MAML1: variants seen among roughly 807,000 people sequenced by gnomAD.
MAML1 encodes mastermind-like protein 1.
MAML1 carries 14 observed loss-of-function variants against 77.1 expected under a neutral mutation model. The ratio of observed to expected loss-of-function variants is 0.18; its 90% CI spans 0.12 to 0.28. MAML1 has a LOEUF of 0.28. Among genes scored for constraint, MAML1 ranks in the 10% least tolerant of loss-of-function variants. The probability of loss-of-function intolerance (pLI) is 1.00; values close to 1 mark genes in which losing one functional copy is unlikely to be tolerated. For missense variants in MAML1, 1,217 were observed against 1,327.8 expected, an observed-to-expected ratio of 0.92 and a Z score of 1.30; for synonymous variants, 516 against 551.9, an observed-to-expected ratio of 0.93 and a Z score of 0.91.
chr5:179,742,012 C>T (rs1276506960), intron 1 of MAML1, among the ~76,000 whole-genome samples: 1 of 151,814 alleles, frequency 6.6e-6, no homozygotes, highest in Non-Finnish European at 1.5e-5. Context: ...ATTTTCCCAC[C>T]TCAGCCTCCC....
At chr5:179,751,366 T>G (rs1166198039) in intron 1 of MAML1, among the ~76,000 whole-genome samples, 2 of 152,208 alleles carry the variant, frequency 1.3e-5, no homozygotes, top group African/African-American at 2.4e-5. Flanking sequence ...ACTTGACTTG[T>G]GCTAAAAGTG....
intron 1 of MAML1, among the ~76,000 whole-genome samples, chr5:179,751,415 A>AT (rs1324000119): frequency 6.6e-6 from 1 of 152,118 alleles, no homozygotes; most frequent in Non-Finnish European, 1.5e-5. Context: ...AGTACCACAG[A>AT]TTTTTTTGGT....
At chr5:179,744,949 T>C (rs1779351325) in intron 1 of MAML1, among the ~76,000 whole-genome samples, 1 of 151,924 alleles carries the variant, frequency 6.6e-6, no homozygotes, top group African/African-American at 2.4e-5. Context: ...TTGCCCAGGC[T>C]GGAGTGCAGT....
At chr5:179,753,543 C>A (rs968701618) in intron 1 of MAML1, among the ~76,000 whole-genome samples, 1 of 151,726 alleles carries the variant, frequency 6.6e-6, no homozygotes, top group Admixed American at 6.6e-5. Context: ...ACTTACACAC[C>A]GAGTGATTGA....
chr5:179,752,598 C>CTTTTTTTTTTTTT (rs1172970221), intron 1 of MAML1, among the ~76,000 whole-genome samples: 3 of 71,836 alleles, frequency 4.2e-5, no homozygotes, highest in African/African-American at 1.5e-4. Flanking sequence ...ATTAGATACT[C>CTTTTTTTTTTTTT]TTTTTTTTTT....
chr5:179,761,448 G>A (rs1779724672), intron 1 of MAML1, among the ~76,000 whole-genome samples: 1 of 152,178 alleles, frequency 6.6e-6, no homozygotes, highest in Admixed American at 6.5e-5. Flanking sequence ...TGTAATCCCA[G>A]CACTTTGGGA....
chr5:179,766,619 C>A lies in MAML1; in HGVS notation c.1609C>A (p.Pro537Thr), dbSNP rs1332565055. ...CAGCCCGGGGTCTGGCCAGAGCAAG[C>A]CAGCCCTGATGGCTTATCTTCCCCA... ...QGSPGSGQSK[P>T]ALMAYLPQQL... Residue 537 changes from proline (P) to threonine (T), a missense_variant, in exon 2 of 5, where the codon CCA becomes ACA. This residue lies in a region of MAML1 where 884 missense variants were observed against 949.3 expected (regional missense o/e 0.93). Coordinates refer to ENST00000292599, the MANE Select transcript of MAML1 (RefSeq NM_014757.5). The surrounding 1 kb of genome is among the most constrained non-coding windows in gnomAD (Gnocchi z 4.0). 1 of 1,613,286 alleles carries A rather than the reference C, an allele frequency of 6.2e-7. No homozygotes were observed.
chr5:179,750,463 A>AT (rs11419551), intron 1 of MAML1, among the ~76,000 whole-genome samples: 145,644 of 151,870 alleles, frequency 0.96, 70,125 homozygotes, highest in East Asian at 1. Context: ...CTCTCAATAG[A>AT]TTTTTTTGTT....
At position 179,771,030 on chromosome 5, in the gene MAML1, G is replaced by T; in HGVS notation, c.1972-117G>T. ...AATGAAATCAGCACTATTTCCACAG[G>T]AGCCCATTTGTGAGTAACAAACTTG... On this transcript the variant is annotated intron_variant, in intron 3 of 4. Transcript: ENST00000292599. This position sits in a 1 kb window ranked among gnomAD's most constrained non-coding sequence, Gnocchi z 4.7. The T allele has an allele frequency of 1.4e-6, 1 of 712,632 alleles. No individual in the cohort carries two copies. The allele number at this position is 712,632 out of a possible 1,614,324, so 44.1% of individuals were successfully genotyped here.
At chr5:179,734,999 AAAAAG>A (rs1779138295) in intron 1 of MAML1, among the ~76,000 whole-genome samples, 1 of 152,166 alleles carries the variant, frequency 6.6e-6, no homozygotes, top group South Asian at 2.1e-4. Context: ...TTTTAAGAAT[AAAAAG>A]AAATGAGTGT....
Position 179,733,271 on chromosome 5 carries a change from C to T in MAML1, c.159C>T (p.Arg53=). The change falls in exon 1 of 5, where the codon CGC becomes CGT. Residue 53 remains arginine (R), a synonymous_variant. Coordinates refer to ENST00000292599, the MANE Select transcript of MAML1 (RefSeq NM_014757.5). ...CGCCCGAGCGCCTGGAGCTGGAGCG[C>T]CAACACACCTTCGCCCTGCACCAGC... ...AVSPERLELE[R]QHTFALHQRC... 2 of 1,462,632 alleles carry T rather than the reference C, an allele frequency of 1.4e-6. No homozygotes were observed. Among genetic ancestry groups the T allele is most frequent in the African/African-American group, 1.5e-5 (1 of 67,762 alleles). The allele number at this position is 1,462,632 out of a possible 1,614,324, so 90.6% of individuals were successfully genotyped here. A position where few individuals can be genotyped will look rare whatever the true frequency, so the allele number is the denominator to read the frequency against.
chr5:179,763,644 G>T (rs1454185862), intron 1 of MAML1, among the ~76,000 whole-genome samples: 2 of 152,166 alleles, frequency 1.3e-5, no homozygotes, highest in Non-Finnish European at 2.9e-5. Flanking sequence ...GGTCCTCCCT[G>T]GTGTCCAGTG....
rs750380237 is a variant in MAML1, at chr5:179,765,490, C to G, written c.480C>G (p.Pro160=). 1.2e-6 allele frequency: 2 copies of G among 1,614,158 alleles called. No individual in the cohort carries two copies. Among genetic ancestry groups the G allele is most frequent in the Non-Finnish European group, 8.5e-7 (1 of 1,180,026 alleles). The change falls in exon 2 of 5, where the codon CCC becomes CCG. Residue 160 remains proline (P), a synonymous_variant. Coordinates refer to ENST00000292599, the MANE Select transcript of MAML1 (RefSeq NM_014757.5). ...ISSNGLPPAS[P]LGQSDKPSGA... is the part of the protein sequence containing the mutation. ...CCAATGGACTGCCTCCAGCCTCCCC[C>G]CTCGGTCAGTCTGACAAGCCTTCTG...
chr5:179,774,753 G>A lies in MAML1; in HGVS notation c.2927G>A (p.Gly976Glu). 1 of 1,613,118 alleles carries A rather than the reference G, an allele frequency of 6.2e-7. No individual in the cohort carries two copies. Among genetic ancestry groups the A allele is most frequent in the Non-Finnish European group, 8.5e-7 (1 of 1,180,032 alleles). ...AGQELPFAYS[G>E]QPGGSGLSSV... The stretch of plus-strand genomic sequence containing the variant: ...CAGGAGCTGCCTTTTGCCTATAGCG[G>A]GCAGCCAGGTGGCAGTGGGCTCTCT... The change falls in exon 5 of 5, where the codon GGG (glycine) becomes GAG (glutamate). Residue 976 changes from glycine (G) to glutamate (E), a missense_variant. By Grantham distance (98) the Gly-to-Glu change is moderately conservative (BLOSUM62 -2). Around this residue, in one of 3 missense-constraint regions of MAML1, gnomAD observed 884 missense variants for 949.3 expected, o/e 0.93. Coordinates refer to ENST00000292599, the MANE Select transcript of MAML1 (RefSeq NM_014757.5).
At chr5:179,763,383 G>A (rs1779756403) in intron 1 of MAML1, among the ~76,000 whole-genome samples, 1 of 152,028 alleles carries the variant, frequency 6.6e-6, no homozygotes, top group Admixed American at 6.5e-5. Context: ...CTGCAGCTGT[G>A]GGGCGGTGTT....
chr5:179,768,860 C>G lies in MAML1; in HGVS notation c.1742C>G (p.Pro581Arg). 6.2e-7 allele frequency: 1 copy of G among 1,614,166 alleles called. No homozygotes were observed. ...SLVPPGQEQN[P>R]SSVPVQAQAT... ...TATCTGTGTTGACAGGAGCAGAACC[C>G]TTCCAGTGTCCCTGTGCAAGCCCAG... The change falls in exon 3 of 5, where the codon CCT becomes CGT. Residue 581 changes from proline to arginine, a missense_variant. This residue lies in a region of MAML1 where 884 missense variants were observed against 949.3 expected (regional missense o/e 0.93). Coordinates refer to ENST00000292599, the MANE Select transcript of MAML1 (RefSeq NM_014757.5).
In MAML1 at chr5:179,774,413, G is replaced by A. The variant is rs1194796620; in HGVS notation, c.2587G>A (p.Ala863Thr). 1.2e-6 allele frequency: 2 copies of A among 1,613,244 alleles called. No individual in the cohort carries two copies. Among genetic ancestry groups the A allele is most frequent in the South Asian group, 2.2e-5 (2 of 91,090 alleles). The change falls in exon 5 of 5, where the codon GCC becomes ACC. Residue 863 changes from alanine to threonine, a missense_variant. Physicochemically the swap from Ala to Thr is moderately conservative, Grantham distance 58. Around this residue, in one of 3 missense-constraint regions of MAML1, gnomAD observed 884 missense variants for 949.3 expected, o/e 0.93. Coordinates refer to ENST00000292599, the MANE Select transcript of MAML1 (RefSeq NM_014757.5). The stretch of plus-strand genomic sequence containing the variant: ...CAGCAACGTGAGTCCCTTCACTGCA[G>A]CCTCCAGTTTCCACATGCAGCAGCA... ...GNSNVSPFTAASSFHMQQQAH... is the reference protein window; with the variant it reads ...GNSNVSPFTATSSFHMQQQAH...
intron 4 of MAML1, among the ~76,000 whole-genome samples, chr5:179,773,158 C>G (rs1756040731): frequency 6.6e-6 from 1 of 152,218 alleles, no homozygotes; most frequent in Non-Finnish European, 1.5e-5. Context: ...GCTGGGATTA[C>G]AGGCGTGAAC....
chr5:179,742,550 C>T (rs924079355), intron 1 of MAML1, among the ~76,000 whole-genome samples: 3 of 151,330 alleles, frequency 2.0e-5, no homozygotes, highest in African/African-American at 7.3e-5. Flanking sequence ...CACCAGTAAT[C>T]CCAGCATTTT....
Sources: gnomAD v4.1 joint callset for allele counts (sites outside exome capture counted in the v4.1 genomes callset) on GRCh38, gnomAD v4.1.1 for gene constraint, gnomAD v4.1.1 regional missense constraint, Gnocchi (gnomAD v3.1) non-coding constraint, MANE v1.5 for transcripts, NCBI Gene and HGNC (gene_info 2026-07-23, HGNC 2026-07-21) for gene names.